Variants in ADIPOR2 observed in about 807,000 individuals in gnomAD.
The protein encoded by ADIPOR2 is adiponectin receptor protein 2.
A neutral mutation model predicts 40.9 loss-of-function variants in ADIPOR2; 18 were observed. The observed-to-expected ratio is 0.44, with a 90% CI of 0.30 to 0.65. The LOEUF is 0.65. Ranked by LOEUF, ADIPOR2 falls within the 30% of genes least tolerant of loss-of-function variation. The pLI is 0.09. For synonymous variants in ADIPOR2, 165 were observed against 166.4 expected (o/e 0.99, Z 0.06); for missense variants, 283 against 479.2 (o/e 0.59, Z 3.82).
At chr12:1,733,629 T>C (rs918854151) in intron 1 of ADIPOR2, among the ~76,000 whole-genome samples, 1 of 152,196 alleles carries the variant, frequency 6.6e-6, no homozygotes, top group African/African-American at 2.4e-5. Context: ...TTTTTTATTC[T>C]AAGTTTTAGG....
At chr12:1,782,216 G>T (rs1160300484) in intron 6 of ADIPOR2, among the ~76,000 whole-genome samples, 1 of 152,244 alleles carries the variant, frequency 6.6e-6, no homozygotes, top group African/African-American at 2.4e-5. Context: ...CCTGTTGTGA[G>T]AGCAGCATTG....
intron 6 of ADIPOR2, 97 bp downstream of exon 6, chr12:1,781,173 T>C (rs2154444440): frequency 7.7e-7 from 1 of 1,290,736 alleles, no homozygotes; most frequent in East Asian, 2.6e-5. Flanking sequence ...CATTATGCTG[T>C]GTATTTGTGA....
intron 1 of ADIPOR2, among the ~76,000 whole-genome samples, chr12:1,718,112 T>C (rs1350965127): frequency 1.3e-5 from 2 of 152,192 alleles, no homozygotes; most frequent in African/African-American, 2.4e-5. Flanking sequence ...GGTTTAAGTT[T>C]GGGGCATTTG....
rs533772507 is a variant in ADIPOR2, at chr12:1,736,712, C to T, written c.-86-17546C>T. 5.9e-5 allele frequency among the ~76,000 whole-genome samples: 9 copies of T among 152,182 alleles called. No homozygotes were observed. The East Asian group carries it at 1.2e-3, about 20-fold the overall frequency. ...TCTTTTAATTGTGATGTTAGGGTGT[C>T]GATTTTAGATCTTTCCTGCTTTCTC... On this transcript the variant is annotated intron_variant, in intron 1 of 7. Coordinates refer to ENST00000357103, the MANE Select transcript of ADIPOR2 (RefSeq NM_024551.3).
At chr12:1,740,398 A>G (rs548173811) in intron 1 of ADIPOR2, among the ~76,000 whole-genome samples, 3 of 152,224 alleles carry the variant, frequency 2.0e-5, no homozygotes, top group Admixed American at 2.0e-4. Flanking sequence ...TTGGCTTGCA[A>G]TTGTTGCCTT....
intron 1 of ADIPOR2, among the ~76,000 whole-genome samples, chr12:1,747,340 C>T (rs2094757793): frequency 6.6e-6 from 1 of 152,154 alleles, no homozygotes; most frequent in South Asian, 2.1e-4. Context: ...GAAATTAACA[C>T]ACTTAACCAT....
intron 1 of ADIPOR2, among the ~76,000 whole-genome samples, chr12:1,698,893 G>T (rs186351352): frequency 6.6e-6 from 1 of 152,158 alleles, no homozygotes; most frequent in East Asian, 1.9e-4. Flanking sequence ...TTGTTTATCT[G>T]ATAGGAGGTT....
chr12:1,756,393 C>T (rs559824781), intron 2 of ADIPOR2, among the ~76,000 whole-genome samples: 31 of 151,762 alleles, frequency 2.0e-4, no homozygotes, highest in Admixed American at 1.3e-3. Flanking sequence ...TCAAGTGATC[C>T]GCCACCTTGG....
intron 1 of ADIPOR2, among the ~76,000 whole-genome samples, chr12:1,727,482 AT>A (rs2094710225): frequency 6.6e-6 from 1 of 152,176 alleles, no homozygotes; most frequent in Admixed American, 6.6e-5. Context: ...TTATTTAAAT[AT>A]TCTTTATTAA....
At chr12:1,747,356 C>G (rs967011944) in intron 1 of ADIPOR2, among the ~76,000 whole-genome samples, 24 of 152,066 alleles carry the variant, frequency 1.6e-4, no homozygotes, top group African/African-American at 5.6e-4. Context: ...ACCATTGGGT[C>G]AAAAATCACA....
At chr12:1,739,024 T>C (rs1414252132) in intron 1 of ADIPOR2, among the ~76,000 whole-genome samples, 1 of 152,182 alleles carries the variant, frequency 6.6e-6, no homozygotes, top group East Asian at 1.9e-4. Context: ...ATAAAATTTT[T>C]TGGGAAAATA....
intron 1 of ADIPOR2, among the ~76,000 whole-genome samples, chr12:1,745,301 C>G (rs1302266143): frequency 6.6e-6 from 1 of 152,072 alleles, no homozygotes; most frequent in Non-Finnish European, 1.5e-5. Context: ...TAAAATTTTT[C>G]AAAGAAATTC....
At chr12:1,726,006 T>C (rs1685884464) in intron 1 of ADIPOR2, among the ~76,000 whole-genome samples, 1 of 152,140 alleles carries the variant, frequency 6.6e-6, no homozygotes, top group Non-Finnish European at 1.5e-5. Flanking sequence ...CTACAATCTG[T>C]TGGTTTTAAA....
In ADIPOR2 at chr12:1,730,897, A is replaced by G. The variant is rs1029454340; in HGVS notation, c.-86-23361A>G. On this transcript the variant is annotated intron_variant, in intron 1 of 7. Transcript: ENST00000357103. Reference sequence around the variant, plus strand: ...TGATTATGTAAAAGTTTAAGTTATCAGCTCTCTTATATGTAATGCAGGTTG... The same window carrying G: ...TGATTATGTAAAAGTTTAAGTTATCGGCTCTCTTATATGTAATGCAGGTTG... 4.0e-5 allele frequency: 6 copies of G among 151,716 alleles called. No individual in the cohort carries two copies. In the Admixed American group the frequency reaches 4.0e-4, roughly 10 times the overall value. The allele number at this position is 151,716 out of a possible 1,614,324, so 9.4% of individuals were successfully genotyped here. A position where few individuals can be genotyped will look rare whatever the true frequency, so the allele number is the denominator to read the frequency against.
Position 1,786,141 on chromosome 12 carries a change from C to T in ADIPOR2, c.*69C>T. On this transcript the variant is annotated 3_prime_UTR_variant, in exon 8 of 8. Coordinates refer to ENST00000357103, the MANE Select transcript of ADIPOR2 (RefSeq NM_024551.3). Reference sequence around the variant, plus strand: ...CGGCACTTGCGGGCCTCCCTGCTGGCTACTGATGCCAGTACCAGAGGAGCC... The same window carrying T: ...CGGCACTTGCGGGCCTCCCTGCTGGTTACTGATGCCAGTACCAGAGGAGCC... 1 of 1,561,218 alleles carries T rather than the reference C, an allele frequency of 6.4e-7. No individual in the cohort carries two copies. Among genetic ancestry groups the T allele is most frequent in the Non-Finnish European group, 8.7e-7 (1 of 1,155,758 alleles).
intron 1 of ADIPOR2, among the ~76,000 whole-genome samples, chr12:1,701,063 A>C (rs973064230): frequency 1.3e-5 from 2 of 151,736 alleles, no homozygotes; most frequent in Non-Finnish European, 2.9e-5. Context: ...AGTTGAAGCA[A>C]CTTCTTGGAT....
At chr12:1,762,243 A>G (rs1862285482) in intron 2 of ADIPOR2, among the ~76,000 whole-genome samples, 2 of 152,128 alleles carry the variant, frequency 1.3e-5, no homozygotes, top group African/African-American at 4.8e-5. Flanking sequence ...ATCTTTAATT[A>G]CCTTTTATTT....
At chr12:1,730,627 AAC>A (rs199969272) in intron 1 of ADIPOR2, 20,270 of 134,000 alleles carry the variant, frequency 0.15, 1,962 homozygotes, top group East Asian at 0.34. Flanking sequence ...AAAAAAAAAA[AAC>A]AAAAAAAACC....
chr12:1,699,758 C>T (rs1160901249), intron 1 of ADIPOR2, among the ~76,000 whole-genome samples: 1 of 152,212 alleles, frequency 6.6e-6, no homozygotes, highest in African/African-American at 2.4e-5. Flanking sequence ...ATCTTAGGAC[C>T]TGTTAGGAAA....
Sources: gnomAD v4.1 joint callset for allele counts (sites outside exome capture counted in the v4.1 genomes callset) on GRCh38, gnomAD v4.1.1 for gene constraint, MANE v1.5 for transcripts, NCBI Gene and HGNC (gene_info 2026-07-23, HGNC 2026-07-21) for gene names.